The following ACSS3 variants were observed in gnomAD, a reference collection of about 807,000 sequenced individuals.
ACSS3 encodes the protein acyl-CoA synthetase short-chain family member 3, mitochondrial.
ACSS3 carries 64 observed loss-of-function variants against 84.2 expected under a neutral mutation model. The ratio of observed to expected loss-of-function variants is 0.76; its 90% CI spans 0.62 to 0.94. ACSS3 has a LOEUF of 0.94. Among genes scored for constraint, ACSS3 ranks in the 40% least tolerant of loss-of-function variants. The pLI, the probability that ACSS3 is intolerant of heterozygous loss-of-function variation, is 0.00. For synonymous variants in ACSS3, 317 were observed against 310.1 expected (o/e 1.02, Z -0.23); for missense variants, 815 against 867.6 (o/e 0.94, Z 0.76).
intron 8 of ACSS3, among the ~76,000 whole-genome samples, chr12:81,177,443 G>C (rs1283946730): frequency 1.3e-5 from 2 of 148,984 alleles, no homozygotes; most frequent in South Asian, 2.2e-4. Flanking sequence ...TCCTAGATCT[G>C]ATAAACAACT....
At chr12:81,095,667 C>G (rs1340714380) in intron 1 of ACSS3, among the ~76,000 whole-genome samples, 1 of 152,114 alleles carries the variant, frequency 6.6e-6, no homozygotes, top group Non-Finnish European at 1.5e-5. Context: ...GAAAGCTTTT[C>G]TTTCTATTCT....
chr12:81,105,131 C>A (rs1369682700), intron 1 of ACSS3, among the ~76,000 whole-genome samples: 5 of 152,144 alleles, frequency 3.3e-5, no homozygotes, highest in Admixed American at 2.6e-4. Context: ...GAAAAACAAT[C>A]AATGGGTGCC....
intron 5 of ACSS3, among the ~76,000 whole-genome samples, chr12:81,146,533 T>C (rs1886349963): frequency 6.6e-6 from 1 of 152,188 alleles, no homozygotes; most frequent in African/African-American, 2.4e-5. Context: ...CATAAGGCAG[T>C]CTGTTCTTTG....
chr12:81,227,521 C>T (rs1041346677), intron 11 of ACSS3, among the ~76,000 whole-genome samples: 1 of 151,648 alleles, frequency 6.6e-6, no homozygotes, highest in Non-Finnish European at 1.5e-5. Context: ...TTTAAGAAAT[C>T]AATATCTATT....
At position 81,248,833 on chromosome 12, in the gene ACSS3, A is replaced by C. The variant is rs569206945; in HGVS notation, c.1720-4474A>C. Among the ~76,000 whole-genome samples the C allele has an allele frequency of 1.1e-3, 170 of 152,158 alleles. 1 individual carries two copies. Among genetic ancestry groups the C allele is most frequent in the Middle Eastern group, 3.4e-3 (1 of 294 alleles). On this transcript the variant is annotated intron_variant, in intron 13 of 15. Transcript: ENST00000548058. ...TCACATGTACCCTATAAATATGTAC[A>C]AATATTTGTACCAATAAATTTATAA...
chr12:81,221,252 G>T (rs1163265383), intron 11 of ACSS3, among the ~76,000 whole-genome samples: 1 of 151,976 alleles, frequency 6.6e-6, no homozygotes, highest in African/African-American at 2.4e-5. Context: ...ACATGATATT[G>T]ACATCTTTAC....
At chr12:81,216,582 C>G (rs1057317322) in intron 9 of ACSS3, among the ~76,000 whole-genome samples, 2 of 152,210 alleles carry the variant, frequency 1.3e-5, no homozygotes, top group African/African-American at 4.8e-5. Flanking sequence ...TGTTATGGAA[C>G]CGTCCAAGTC....
chr12:81,081,980 T>G (rs1376201230), intron 1 of ACSS3, among the ~76,000 whole-genome samples: 1 of 152,194 alleles, frequency 6.6e-6, no homozygotes, highest in Non-Finnish European at 1.5e-5. Flanking sequence ...ACCCACTGCA[T>G]GTACAGTACA....
chr12:81,223,799 G>A (rs2033186893), intron 11 of ACSS3, among the ~76,000 whole-genome samples: 1 of 151,980 alleles, frequency 6.6e-6, no homozygotes, highest in Non-Finnish European at 1.5e-5. Context: ...TCTCTCTAGG[G>A]AACAGGCTTC....
chr12:81,193,073 A>T (rs1310544994), intron 8 of ACSS3, among the ~76,000 whole-genome samples: 1 of 152,172 alleles, frequency 6.6e-6, no homozygotes, highest in Non-Finnish European at 1.5e-5. Context: ...AGTCAAATAC[A>T]TGTGTGATAT....
chr12:81,230,130 C>A (rs757005030), intron 11 of ACSS3, among the ~76,000 whole-genome samples: 1 of 151,808 alleles, frequency 6.6e-6, no homozygotes, highest in Non-Finnish European at 1.5e-5. Flanking sequence ...TTTACAACTC[C>A]ATTTAGTATG....
chr12:81,083,604 C>T (rs1405977807), intron 1 of ACSS3, among the ~76,000 whole-genome samples: 1 of 151,904 alleles, frequency 6.6e-6, no homozygotes, highest in Admixed American at 6.5e-5. Flanking sequence ...TCGTGATCCG[C>T]TCACCTCGGC....
Position 81,078,104 on chromosome 12 carries a change from G to A in ACSS3, c.-17G>A, listed in dbSNP as rs1333319335. ...ACCATTTGTCGCACACTCGGGGACCGCGGGTGGCCGGAGGAGATGAAACCG... is the reference window on the plus strand; with the variant it reads ...ACCATTTGTCGCACACTCGGGGACCACGGGTGGCCGGAGGAGATGAAACCG... On this transcript the variant is annotated 5_prime_UTR_variant, in exon 1 of 16. Coordinates refer to ENST00000548058, the MANE Select transcript of ACSS3 (RefSeq NM_024560.4). The A allele has an allele frequency of 9.6e-6, 14 of 1,461,854 alleles. No individual in the cohort carries two copies. The Admixed American group carries it at 2.3e-4, about 24-fold the overall frequency. The allele number at this position is 1,461,854 out of a possible 1,614,324, so 90.6% of individuals were successfully genotyped here.
intron 5 of ACSS3, among the ~76,000 whole-genome samples, chr12:81,144,041 A>G (rs1675266780): frequency 6.6e-6 from 1 of 152,172 alleles, no homozygotes; most frequent in Non-Finnish European, 1.5e-5. Flanking sequence ...TTTCATAATC[A>G]TTCTCTTCCT....
intron 9 of ACSS3, among the ~76,000 whole-genome samples, chr12:81,212,325 C>T (rs1290980266): frequency 6.6e-6 from 1 of 152,158 alleles, no homozygotes; most frequent in East Asian, 1.9e-4. Context: ...TGCTCAAAAA[C>T]TATTTGCTAG....
chr12:81,253,250 G>A (rs1379257702), intron 13 of ACSS3, 57 bp from the exon 14 acceptor site: 15 of 1,451,388 alleles, frequency 1.0e-5, no homozygotes, highest in Non-Finnish European at 1.5e-5. Flanking sequence ...TCTATATGTT[G>A]AATATACATA....
intron 1 of ACSS3, among the ~76,000 whole-genome samples, chr12:81,086,875 C>T (rs1262633036): frequency 6.6e-6 from 1 of 152,006 alleles, no homozygotes; most frequent in African/African-American, 2.4e-5. Flanking sequence ...ATGTAATAAC[C>T]TCTCTAAATT....
intron 7 of ACSS3, among the ~76,000 whole-genome samples, chr12:81,165,442 G>A (rs778265815): frequency 3.3e-5 from 5 of 152,124 alleles, no homozygotes; most frequent in Non-Finnish European, 4.4e-5. Flanking sequence ...TCAGGAGATC[G>A]AGACCATCCT....
Position 81,260,556 on chromosome 12 carries a change from C to T in ACSS3, c.*5634C>T, listed in dbSNP as rs2035087280. 2.6e-5 allele frequency: 4 copies of T among 152,068 alleles called. No homozygotes were observed. Among genetic ancestry groups the T allele is most frequent in the Admixed American group, 1.3e-4 (2 of 15,250 alleles). The allele number at this position is 152,068 out of a possible 1,614,324, so 9.4% of individuals were successfully genotyped here. A position where few individuals can be genotyped will look rare whatever the true frequency, so the allele number is the denominator to read the frequency against. On this transcript the variant is annotated 3_prime_UTR_variant, in exon 16 of 16. Coordinates refer to ENST00000548058, the MANE Select transcript of ACSS3 (RefSeq NM_024560.4). ...ACTTTAAATCATGTCTAATTAGGTGCCAAATTATATACCATAATTAAAATT... is the reference window on the plus strand; with the variant it reads ...ACTTTAAATCATGTCTAATTAGGTGTCAAATTATATACCATAATTAAAATT...
Sources: gnomAD v4.1 joint callset for allele counts (sites outside exome capture counted in the v4.1 genomes callset) on GRCh38, gnomAD v4.1.1 for gene constraint, MANE v1.5 for transcripts, NCBI Gene and HGNC (gene_info 2026-07-23, HGNC 2026-07-21) for gene names.